The following GTF2F2 variants were observed in gnomAD, a reference collection of about 807,000 sequenced individuals.
GTF2F2 encodes general transcription factor IIF subunit 2.
In GTF2F2, 23 loss-of-function variants were observed where a neutral mutation model predicts 42.2. The ratio of observed to expected loss-of-function variants is 0.55; its 90% CI spans 0.39 to 0.77. The LOEUF (loss-of-function observed/expected upper bound fraction) is 0.77. Among genes scored for constraint, GTF2F2 ranks in the 30% least tolerant of loss-of-function variants. The pLI is 0.00. For missense variants in GTF2F2, 261 were observed against 287.2 expected (o/e 0.91, Z 0.66); for synonymous variants, 105 against 100.8 (o/e 1.04, Z -0.25).
intron 1 of GTF2F2, chr13:45,124,131 C>G: frequency 1.5e-6 from 1 of 676,314 alleles, no homozygotes; most frequent in Non-Finnish European, 2.7e-6. Context: ...CCAGCCCCAG[C>G]ATCTAAGGTG....
intron 4 of GTF2F2, among the ~76,000 whole-genome samples, chr13:45,161,058 C>T (rs1294413300): frequency 6.6e-6 from 1 of 152,126 alleles, no homozygotes; most frequent in Non-Finnish European, 1.5e-5. Flanking sequence ...TTAATAAAAA[C>T]AGTTTTTACT....
chr13:45,236,058 T>A (rs1426668599), intron 5 of GTF2F2, among the ~76,000 whole-genome samples: 1 of 152,242 alleles, frequency 6.6e-6, no homozygotes, highest in East Asian at 1.9e-4. Flanking sequence ...ATGCATTTAA[T>A]TGTTTTCTAG....
chr13:45,242,256 CTT>C (rs71184405), intron 5 of GTF2F2, among the ~76,000 whole-genome samples: 12 of 105,678 alleles, frequency 1.1e-4, no homozygotes, highest in East Asian at 2.8e-4. Flanking sequence ...GCTGGCACTT[CTT>C]TTTTTTTTTT....
intron 1 of GTF2F2, among the ~76,000 whole-genome samples, chr13:45,123,850 G>T (rs1868822275): frequency 6.7e-6 from 1 of 150,370 alleles, no homozygotes; most frequent in South Asian, 2.1e-4. Context: ...ACATGACAAG[G>T]CAGGGCTCCC....
At chr13:45,150,746 G>C (rs1404481218) in intron 3 of GTF2F2, among the ~76,000 whole-genome samples, 1 of 143,794 alleles carries the variant, frequency 7.0e-6, no homozygotes, top group Non-Finnish European at 1.5e-5. Context: ...GTTTTGTCAT[G>C]TTGGCCAGGC....
At chr13:45,264,126 T>C (rs1361799074) in intron 6 of GTF2F2, among the ~76,000 whole-genome samples, 1 of 152,196 alleles carries the variant, frequency 6.6e-6, no homozygotes, top group Non-Finnish European at 1.5e-5. Context: ...CCCCAGGAAC[T>C]AAACCAGTGA....
intron 5 of GTF2F2, among the ~76,000 whole-genome samples, chr13:45,252,445 T>G (rs142742971): frequency 2.8e-4 from 42 of 152,242 alleles, no homozygotes; most frequent in African/African-American, 9.9e-4. Flanking sequence ...CCTTGAGTGT[T>G]GATGTATTCT....
chr13:45,273,540 G>A (rs535569681), intron 7 of GTF2F2, among the ~76,000 whole-genome samples: 10 of 151,958 alleles, frequency 6.6e-5, no homozygotes, highest in Non-Finnish European at 1.5e-4. Context: ...TAGAATTTAC[G>A]TTGAAATTTT....
intron 5 of GTF2F2, among the ~76,000 whole-genome samples, chr13:45,211,916 C>A (rs978569855): frequency 2.0e-5 from 3 of 152,100 alleles, no homozygotes; most frequent in African/African-American, 7.2e-5. Flanking sequence ...TCATAAGATA[C>A]TATTCTTATT....
chr13:45,221,898 C>T (rs187030567), intron 5 of GTF2F2, among the ~76,000 whole-genome samples: 1 of 152,254 alleles, frequency 6.6e-6, no homozygotes, highest in African/African-American at 2.4e-5. Flanking sequence ...CATCTCAGGG[C>T]CCTTCTTTCT....
rs189072614 is a variant in GTF2F2, at chr13:45,270,827, A to G, written c.630+3451A>G. Among the ~76,000 whole-genome samples, 4 of 152,324 alleles carry G rather than the reference A, an allele frequency of 2.6e-5. No homozygotes were observed. In the East Asian group the frequency reaches 7.7e-4, roughly 29 times the overall value. On this transcript the variant is annotated intron_variant, in intron 7 of 7. Transcript: ENST00000340473. ...TTTTATCTGTCAAATAGAAGCATAT[A>G]TAGTGTTTCCTTTGAAGATATAAAC...
chr13:45,145,119 TAA>T (rs201010763), intron 2 of GTF2F2, among the ~76,000 whole-genome samples: 1 of 124,868 alleles, frequency 8.0e-6, no homozygotes, highest in Admixed American at 7.2e-5. Flanking sequence ...TAAAAATTAA[TAA>T]AAAAAATTCA....
chr13:45,269,769 A>G (rs1029565043), intron 7 of GTF2F2, among the ~76,000 whole-genome samples: 2 of 152,202 alleles, frequency 1.3e-5, no homozygotes, highest in Admixed American at 6.5e-5. Context: ...TTCACTTAAC[A>G]TATGTAATAA....
At position 45,277,479 on chromosome 13, in the gene GTF2F2, A is replaced by G. The variant is rs1220385680; in HGVS notation, c.631-5963A>G. On this transcript the variant is annotated intron_variant, in intron 7 of 7. Coordinates refer to ENST00000340473, the MANE Select transcript of GTF2F2 (RefSeq NM_004128.3). ...GTACCCAGAGGGATGGTGCTAATTC[A>G]TGAGAGTTCCGTCCCCATGATCCAA... Among the ~76,000 whole-genome samples the G allele has an allele frequency of 2.0e-5, 3 of 152,208 alleles. No homozygotes were observed. In the East Asian group the frequency reaches 5.8e-4, roughly 29 times the overall value.
At chr13:45,255,432 TAAAC>T (rs1228515449) in intron 6 of GTF2F2, among the ~76,000 whole-genome samples, 5 of 152,210 alleles carry the variant, frequency 3.3e-5, no homozygotes, top group African/African-American at 4.8e-5. Flanking sequence ...CTATGTGAGT[TAAAC>T]AAACCAGGTA....
At chr13:45,194,025 A>C (rs1182418059) in intron 4 of GTF2F2, 1 of 1,614,124 alleles carries the variant, frequency 6.2e-7, no homozygotes, top group South Asian at 1.1e-5. Flanking sequence ...CTGGAAATCC[A>C]TCCAGCCTGC....
intron 1 of GTF2F2, among the ~76,000 whole-genome samples, chr13:45,130,319 T>G (rs1024069880): frequency 4.6e-5 from 7 of 152,234 alleles, no homozygotes; most frequent in African/African-American, 1.7e-4. Context: ...AGGGCTGTTA[T>G]AAGGATTAAA....
At chr13:45,249,294 A>T (rs1168510422) in intron 5 of GTF2F2, among the ~76,000 whole-genome samples, 1 of 152,226 alleles carries the variant, frequency 6.6e-6, no homozygotes, top group Non-Finnish European at 1.5e-5. Context: ...TTTGAATCAT[A>T]AGTTGTCCTC....
At chr13:45,260,674 T>A (rs1445832552) in intron 6 of GTF2F2, among the ~76,000 whole-genome samples, 5 of 152,212 alleles carry the variant, frequency 3.3e-5, no homozygotes, top group Non-Finnish European at 7.4e-5. Flanking sequence ...TAATGATGGT[T>A]GAACATATAT....
Sources: gnomAD v4.1 joint callset for allele counts (sites outside exome capture counted in the v4.1 genomes callset) on GRCh38, gnomAD v4.1.1 for gene constraint, MANE v1.5 for transcripts, NCBI Gene and HGNC (gene_info 2026-07-23, HGNC 2026-07-21) for gene names.